The following PCDH11X variants were observed in gnomAD, a reference collection of about 807,000 sequenced individuals.
The protein encoded by PCDH11X is protocadherin-11 X-linked.
Under a neutral mutation model 53.3 loss-of-function variants are expected in PCDH11X, and 18 were observed. The observed-to-expected ratio is 0.34, with a 90% CI of 0.23 to 0.50. The LOEUF is 0.50. Ranked by LOEUF, PCDH11X falls within the 20% of genes least tolerant of loss-of-function variation. The probability of loss-of-function intolerance (pLI) is 0.98; values close to 1 mark genes in which losing one functional copy is unlikely to be tolerated. For synonymous variants in PCDH11X, 279 were observed against 393.3 expected, an observed-to-expected ratio of 0.71 and a Z score of 3.44; for missense variants, 570 against 1,032.4, an observed-to-expected ratio of 0.55 and a Z score of 6.14.
intron 10 of PCDH11X, among the ~76,000 whole-genome samples, chrX:92,484,303 A>G (rs999032226): frequency 9.8e-6 from 1 of 102,264 alleles, no homozygotes; most frequent in Non-Finnish European, 2.0e-5. Context: ...ATGTGTGTGT[A>G]TATATATACA....
At chrX:92,215,510 GC>G in intron 7 of PCDH11X, among the ~76,000 whole-genome samples, 1 of 38,353 alleles carries the variant, frequency 2.6e-5, no homozygotes, top group Non-Finnish European at 5.7e-5. Flanking sequence ...AGGGGCGCCC[GC>G]CATTGCCCAG....
At chrX:92,306,716 C>G (rs1000103783) in intron 8 of PCDH11X, among the ~76,000 whole-genome samples, 2 of 110,349 alleles carry the variant, frequency 1.8e-5, no homozygotes, top group African/African-American at 6.6e-5. Flanking sequence ...CCAAGGTGGG[C>G]AGATCACAAG....
intron 8 of PCDH11X, among the ~76,000 whole-genome samples, chrX:92,348,566 C>A (rs2069964323): frequency 9.4e-6 from 1 of 106,743 alleles, no homozygotes; most frequent in South Asian, 4.1e-4. Context: ...GACGGAGTTT[C>A]GCTCTTGTTG....
At chrX:92,172,783 AAAT>A (rs1394727679) in intron 6 of PCDH11X, among the ~76,000 whole-genome samples, 1 of 111,809 alleles carries the variant, frequency 8.9e-6, no homozygotes, top group East Asian at 2.8e-4. Context: ...ATTCTTAAAG[AAAT>A]ATAGGTTTCT....
chrX:92,059,206 T>A (rs1277267944), intron 6 of PCDH11X, among the ~76,000 whole-genome samples: 1 of 108,656 alleles, frequency 9.2e-6, no homozygotes, highest in Admixed American at 1.0e-4. Flanking sequence ...ATAGTAGAAA[T>A]TTGATACATA....
intron 1 of PCDH11X, among the ~76,000 whole-genome samples, chrX:91,805,263 T>C (rs1007712116): frequency 9.1e-6 from 1 of 109,925 alleles, no homozygotes; most frequent in African/African-American, 3.3e-5. Context: ...GAATTCAGTT[T>C]CTCCCTAAAG....
chrX:92,086,495 G>A (rs768117782), intron 6 of PCDH11X, among the ~76,000 whole-genome samples: 1 of 110,915 alleles, frequency 9.0e-6, no homozygotes, highest in African/African-American at 3.3e-5. Context: ...CTGCCTAATT[G>A]ATAGTGTTTA....
intron 10 of PCDH11X, among the ~76,000 whole-genome samples, chrX:92,525,447 A>G (rs1273339869): frequency 9.1e-6 from 1 of 109,490 alleles, no homozygotes; most frequent in Non-Finnish European, 1.9e-5. Flanking sequence ...CCTGACCAAC[A>G]TGGTGAAACC....
At position 91,864,461 on chromosome X, in the gene PCDH11X, G is replaced by C. The variant is rs549510383; in HGVS notation, c.541-12320G>C. Among the ~76,000 whole-genome samples the C allele has an allele frequency of 7.1e-4, 71 of 100,241 alleles. 2 individuals are homozygous for C. The South Asian group carries it at 0.034, about 49-fold the overall frequency. The allele number at this position is 100,241 out of a possible 115,157, so 87.0% of individuals were successfully genotyped here. Reference sequence around the variant, plus strand: ...ATCCTTTCTATATCATTGATCTTTAGGAGTTTAATTATTAATTACCTGAAG... The same window carrying C: ...ATCCTTTCTATATCATTGATCTTTACGAGTTTAATTATTAATTACCTGAAG... On this transcript the variant is annotated intron_variant, in intron 5 of 10. Coordinates refer to ENST00000682573, the MANE Select transcript of PCDH11X (RefSeq NM_032968.5).
chrX:92,323,575 A>T (rs1569464806), intron 8 of PCDH11X, among the ~76,000 whole-genome samples: 1 of 109,765 alleles, frequency 9.1e-6, no homozygotes, highest in Non-Finnish European at 1.9e-5. Flanking sequence ...ATTTAATTTA[A>T]TTTTTTTATT....
intron 5 of PCDH11X, among the ~76,000 whole-genome samples, chrX:91,861,825 T>G (rs922578274): frequency 5.4e-5 from 6 of 111,969 alleles, no homozygotes; most frequent in African/African-American, 1.6e-4. Flanking sequence ...GGGTAGGAAC[T>G]TCCCTTGCCC....
At chrX:92,584,542 G>A (rs1924119514) in intron 10 of PCDH11X, among the ~76,000 whole-genome samples, 1 of 110,642 alleles carries the variant, frequency 9.0e-6, no homozygotes, top group Non-Finnish European at 1.9e-5. Flanking sequence ...AAAGGCAGGA[G>A]CTACCAAATC....
chrX:92,214,929 T>C (rs1416268770), intron 7 of PCDH11X, among the ~76,000 whole-genome samples: 5 of 111,152 alleles, frequency 4.5e-5, no homozygotes, highest in Non-Finnish European at 7.5e-5. Context: ...ATGCCTGTAG[T>C]CCCAGCTACT....
chrX:91,879,231 A>G lies in PCDH11X; in HGVS notation c.2991A>G (p.Pro997=), dbSNP rs1224883675. Residue 997 remains proline (P), a synonymous_variant, in exon 6 of 11, where the codon CCA becomes CCG. Transcript: ENST00000682573. ...ACAGCGTTTCTGACTGTGGCTATCC[A>G]GTGACGACCTTCGAGGTACCTGTGT... is the stretch of plus-strand genomic sequence containing the variant. ...DPYSVSDCGY[P]VTTFEVPVSV... 1 of 1,210,050 alleles carries G rather than the reference A, an allele frequency of 8.3e-7. No individual in the cohort carries two copies. Among genetic ancestry groups the G allele is most frequent in the Non-Finnish European group, 1.1e-6 (1 of 895,269 alleles).
At chrX:92,274,606 A>C (rs2068040265) in intron 8 of PCDH11X, among the ~76,000 whole-genome samples, 1 of 111,032 alleles carries the variant, frequency 9.0e-6, no homozygotes, top group Non-Finnish European at 1.9e-5. Flanking sequence ...GGTGGGAGCA[A>C]ATCCTCGAGC....
intron 6 of PCDH11X, among the ~76,000 whole-genome samples, chrX:91,955,157 C>T (rs2061692843): frequency 9.0e-6 from 1 of 111,462 alleles, no homozygotes; most frequent in African/African-American, 3.3e-5. Context: ...GTTCTAGTTT[C>T]AATTTTCTGC....
chrX:92,323,667 C>T (rs2069263614), intron 8 of PCDH11X, among the ~76,000 whole-genome samples: 1 of 110,806 alleles, frequency 9.0e-6, no homozygotes, highest in Non-Finnish European at 1.9e-5. Context: ...TGGTGTGCTG[C>T]ACCCACAGAT....
chrX:92,433,623 C>T (rs1396475177), intron 9 of PCDH11X, among the ~76,000 whole-genome samples: 1 of 109,191 alleles, frequency 9.2e-6, no homozygotes, highest in Non-Finnish European at 1.9e-5. Context: ...AAAAATGACC[C>T]TTAGTGTAGA....
At chrX:92,093,004 C>G (rs757524455) in intron 6 of PCDH11X, among the ~76,000 whole-genome samples, 1 of 111,054 alleles carries the variant, frequency 9.0e-6, no homozygotes, top group East Asian at 2.9e-4. Context: ...TGTGTGGCAC[C>G]CCACCACTCA....
Sources: gnomAD v4.1 joint callset for allele counts (sites outside exome capture counted in the v4.1 genomes callset) on GRCh38, gnomAD v4.1.1 for gene constraint, MANE v1.5 for transcripts, NCBI Gene and HGNC (gene_info 2026-07-23, HGNC 2026-07-21) for gene names.